Variants in ARHGAP36 observed in about 807,000 individuals in gnomAD.
ARHGAP36 encodes Rho GTPase activating protein 36, also known as rho GTPase-activating protein 36.
ARHGAP36 carries 7 observed loss-of-function variants against 32.9 expected under a neutral mutation model. That is an observed-to-expected ratio of 0.21 (90% CI 0.12 to 0.40). The LOEUF is 0.40. Among genes scored for constraint, ARHGAP36 ranks in the 10% least tolerant of loss-of-function variants. ARHGAP36 has a pLI of 1.00. For synonymous variants in ARHGAP36, 165 were observed against 168.3 expected (o/e 0.98, Z 0.15); for missense variants, 383 against 442.2 (o/e 0.87, Z 1.20).
intron 1 of ARHGAP36, among the ~76,000 whole-genome samples, chrX:131,073,279 T>C (rs1226952139): frequency 8.8e-6 from 1 of 113,061 alleles, no homozygotes; most frequent in Non-Finnish European, 1.9e-5. Context: ...GGTTCTGCGC[T>C]GCCTGGAGCT....
chrX:131,087,550 T>A (rs1337521039), intron 11 of ARHGAP36, among the ~76,000 whole-genome samples: 1 of 111,571 alleles, frequency 9.0e-6, no homozygotes, highest in African/African-American at 3.3e-5. Context: ...AATCCCAAAA[T>A]GATGAGGAAG....
chrX:131,070,733 TG>T (rs1404136363), intron 1 of ARHGAP36, among the ~76,000 whole-genome samples: 1 of 110,673 alleles, frequency 9.0e-6, no homozygotes, highest in African/African-American at 3.3e-5. Context: ...AGTGATATTT[TG>T]TTATCTACCT....
intron 2 of ARHGAP36, 67 bp from the exon 3 acceptor site, chrX:131,083,098 T>G: frequency 9.5e-7 from 1 of 1,057,674 alleles, no homozygotes; most frequent in Non-Finnish European, 1.3e-6. Context: ...ATCAGGGCAT[T>G]GGGATGTTTT....
At chrX:131,058,970 C>T (rs1288341034) in intron 1 of ARHGAP36, among the ~76,000 whole-genome samples, 1 of 112,427 alleles carries the variant, frequency 8.9e-6, no homozygotes, top group Admixed American at 9.3e-5. Context: ...ATGGGAAAAG[C>T]CTGCCCAAGG....
intron 1 of ARHGAP36, among the ~76,000 whole-genome samples, chrX:131,081,318 A>C (rs1434434579): frequency 9.0e-6 from 1 of 110,531 alleles, no homozygotes; most frequent in Admixed American, 9.6e-5. Flanking sequence ...ACCTCTAAAA[A>C]CGCTCTAATT....
chrX:131,061,772 C>T (rs1373770704), intron 1 of ARHGAP36, among the ~76,000 whole-genome samples: 1 of 111,495 alleles, frequency 9.0e-6, no homozygotes, highest in Admixed American at 9.5e-5. Flanking sequence ...TTGTTTGTAC[C>T]TCAAAATACA....
chrX:131,058,872 G>A (rs2079654854), intron 1 of ARHGAP36, among the ~76,000 whole-genome samples: 1 of 113,149 alleles, frequency 8.8e-6, no homozygotes, highest in Non-Finnish European at 1.9e-5. Context: ...TCGTCCCCTT[G>A]TCTCAATCTC....
intron 11 of ARHGAP36, 102 bp downstream of exon 11, chrX:131,086,767 G>T: frequency 4.9e-6 from 3 of 609,196 alleles, no homozygotes; most frequent in Non-Finnish European, 7.8e-6. Context: ...TGAGCCCCTT[G>T]AGGAAGATGA....
intron 1 of ARHGAP36, among the ~76,000 whole-genome samples, chrX:131,063,852 G>A (rs985071485): frequency 2.7e-5 from 3 of 110,844 alleles, no homozygotes; most frequent in Non-Finnish European, 5.7e-5. Context: ...TCAGATTGGG[G>A]TCTTCTTCCA....
intron 9 of ARHGAP36, 22 bp from the exon 10 acceptor site, chrX:131,086,307 A>G (rs1309192759): frequency 2.2e-5 from 26 of 1,199,063 alleles, no homozygotes; most frequent in Non-Finnish European, 2.8e-5. Context: ...ATGATGGCTA[A>G]TGTTGCTAAT....
intron 1 of ARHGAP36, among the ~76,000 whole-genome samples, chrX:131,080,919 A>G (rs763315167): frequency 3.6e-5 from 4 of 112,066 alleles, no homozygotes; most frequent in Non-Finnish European, 7.5e-5. Context: ...TTGCAATCAA[A>G]ATTAATACAA....
intron 5 of ARHGAP36, 55 bp downstream of exon 5, chrX:131,084,462 T>A (rs925970620): frequency 9.5e-6 from 11 of 1,163,082 alleles, no homozygotes; most frequent in Non-Finnish European, 1.0e-5. Flanking sequence ...AAAGGAGGGA[T>A]GTTCTGGAAA....
intron 1 of ARHGAP36, among the ~76,000 whole-genome samples, chrX:131,075,379 C>T (rs956558201): frequency 6.3e-5 from 7 of 110,477 alleles, no homozygotes; most frequent in African/African-American, 2.3e-4. Flanking sequence ...AAGCTAAGTT[C>T]CAGTCTATAT....
At chrX:131,080,482 T>C (rs2148641148) in intron 1 of ARHGAP36, among the ~76,000 whole-genome samples, 1 of 112,081 alleles carries the variant, frequency 8.9e-6, no homozygotes, top group East Asian at 2.8e-4. Context: ...TTAATACAGG[T>C]TTTTGTTTTA....
At chrX:131,082,817 C>T (rs1289376230) in intron 2 of ARHGAP36, among the ~76,000 whole-genome samples, 1 of 113,273 alleles carries the variant, frequency 8.8e-6, no homozygotes, top group Non-Finnish European at 1.9e-5. Context: ...GAGCCCCTCC[C>T]TCCCCTCTCC....
chrX:131,080,868 C>T (rs1201257451), intron 1 of ARHGAP36, among the ~76,000 whole-genome samples: 2 of 111,494 alleles, frequency 1.8e-5, no homozygotes, highest in Middle Eastern at 4.6e-3. Context: ...GGGTGCATTT[C>T]CTTCAGTCTT....
chrX:131,084,480 A>G, intron 5 of ARHGAP36, 73 bp downstream of exon 5: 1 of 1,148,170 alleles, frequency 8.7e-7, no homozygotes, highest in South Asian at 2.0e-5. Context: ...AAATGGGGGG[A>G]GAAAAGAGGC....
Position 131,081,848 on chromosome X carries a change from G to A in ARHGAP36, c.183G>A (p.Leu61=). The part of the protein sequence containing the change: ...SIHSLSELER[L]KLQETAYHEL... ...ACAGCCTCTCTGAGCTGGAGCGTCTGAAGCTGCAAGAGACTGCTTACCACG... is the reference window on the plus strand; with the variant it reads ...ACAGCCTCTCTGAGCTGGAGCGTCTAAAGCTGCAAGAGACTGCTTACCACG... The change falls in exon 2 of 12, where the codon CTG becomes CTA. Residue 61 remains leucine (L), a synonymous_variant. Coordinates refer to ENST00000276211, the MANE Select transcript of ARHGAP36 (RefSeq NM_144967.4). The A allele has an allele frequency of 8.2e-7, 1 of 1,212,151 alleles. No individual in the cohort carries two copies. Among genetic ancestry groups the A allele is most frequent in the African/African-American group, 1.7e-5 (1 of 57,875 alleles).
chrX:131,072,759 C>G (rs1022052959), intron 1 of ARHGAP36, among the ~76,000 whole-genome samples: 4 of 111,468 alleles, frequency 3.6e-5, no homozygotes, highest in Non-Finnish European at 7.5e-5. Flanking sequence ...ACAGTGAGAA[C>G]CAGTGGGAGT....
Sources: allele counts gnomAD v4.1 joint callset (sites outside exome capture counted in the v4.1 genomes callset), GRCh38; gene constraint gnomAD v4.1.1; transcripts MANE v1.5; gene names NCBI Gene and HGNC (gene_info 2026-07-23, HGNC 2026-07-21).